Variants in SH3KBP1 observed in about 807,000 individuals in gnomAD.
The protein encoded by SH3KBP1 is SH3 domain-containing kinase-binding protein 1.
In SH3KBP1, 8 loss-of-function variants were observed where a neutral mutation model predicts 50.1. The observed-to-expected ratio is 0.16, with a 90% CI of 0.09 to 0.29. The LOEUF is 0.29. Among genes scored for constraint, SH3KBP1 ranks in the 10% least tolerant of loss-of-function variants. SH3KBP1 has a pLI of 1.00. For synonymous variants in SH3KBP1, 227 were observed against 218.6 expected (o/e 1.04, Z -0.34); for missense variants, 377 against 535.2 (o/e 0.70, Z 2.92).
chrX:19,572,150 TTTTA>T (rs1389417203), intron 12 of SH3KBP1, among the ~76,000 whole-genome samples: 8 of 109,183 alleles, frequency 7.3e-5, no homozygotes, highest in African/African-American at 2.3e-4. Flanking sequence ...CTTATTTTCC[TTTTA>T]TTGTCATTCT....
At position 19,793,313 on chromosome X, in the gene SH3KBP1, A is replaced by AAAATATATATATAT. The variant is rs1418807395; in HGVS notation, c.162+42811_162+42812insATATATATATATTT. ...CAAGACATTGTCTCAAGGAAAAAAA[A>AAAATATATATATAT]ATATATATATATATATATATATATC... is the stretch of plus-strand genomic sequence containing the variant. On this transcript the variant is annotated intron_variant, in intron 2 of 17. Transcript: ENST00000397821. 1.1e-3 allele frequency among the ~76,000 whole-genome samples: 102 copies of AAAATATATATATAT among 96,957 alleles called. 1 individual carries two copies. Among genetic ancestry groups the AAAATATATATATAT allele is most frequent in the African/African-American group, 3.5e-3 (91 of 25,702 alleles). The allele number at this position is 96,957 out of a possible 115,157, so 84.2% of individuals were successfully genotyped here. A position where few individuals can be genotyped will look rare whatever the true frequency, so the allele number is the denominator to read the frequency against.
At chrX:19,672,998 G>A (rs371909311) in intron 6 of SH3KBP1, among the ~76,000 whole-genome samples, 3 of 98,931 alleles carry the variant, frequency 3.0e-5, no homozygotes, top group East Asian at 3.3e-4. Context: ...GGTGGGGGGC[G>A]GAGGTTGCAG....
chrX:19,885,479 T>C (rs1203489077), intron 1 of SH3KBP1, among the ~76,000 whole-genome samples: 3 of 111,780 alleles, frequency 2.7e-5, no homozygotes, highest in African/African-American at 9.8e-5. Context: ...AAAGATTAAG[T>C]ACAAAAGGAC....
intron 2 of SH3KBP1, among the ~76,000 whole-genome samples, chrX:19,764,986 CT>C (rs34368819): frequency 1.1e-3 from 49 of 44,549 alleles, no homozygotes; most frequent in Middle Eastern, 0.013. Flanking sequence ...TTTTGCAGTT[CT>C]TTTTTTTTTT....
chrX:19,546,763 C>T (rs781106492), intron 14 of SH3KBP1, among the ~76,000 whole-genome samples: 8 of 111,732 alleles, frequency 7.2e-5, no homozygotes, highest in Non-Finnish European at 1.5e-4. Context: ...GTCTGTATGG[C>T]TATAGTATAT....
intron 4 of SH3KBP1, among the ~76,000 whole-genome samples, chrX:19,705,158 C>T (rs2063624685): frequency 8.9e-6 from 1 of 112,169 alleles, no homozygotes. Flanking sequence ...TCGAGTGGAA[C>T]ATTTTCTTGT....
chrX:19,848,160 C>T (rs2147472350), intron 1 of SH3KBP1, among the ~76,000 whole-genome samples: 1 of 111,987 alleles, frequency 8.9e-6, no homozygotes, highest in South Asian at 3.7e-4. Context: ...ATTCAGTCTC[C>T]AAATACCGTT....
chrX:19,773,894 C>T (rs1158260585), intron 2 of SH3KBP1, among the ~76,000 whole-genome samples: 3 of 89,573 alleles, frequency 3.3e-5, no homozygotes, highest in African/African-American at 1.3e-4. Flanking sequence ...AAAGAATCAT[C>T]ATTTTTCTGG....
intron 3 of SH3KBP1, among the ~76,000 whole-genome samples, chrX:19,743,490 C>A (rs1394725500): frequency 9.0e-6 from 1 of 111,407 alleles, no homozygotes; most frequent in Admixed American, 9.5e-5. Flanking sequence ...CATTCCAGTA[C>A]CCCCTAAATC....
intron 5 of SH3KBP1, chrX:19,695,122 G>T: frequency 1.1e-6 from 1 of 920,881 alleles, no homozygotes; most frequent in Non-Finnish European, 1.5e-6. Flanking sequence ...ACCCAAGGTG[G>T]GACCTGGACT....
Position 19,542,039 on chromosome X carries a change from G to A in SH3KBP1, c.1778C>T (p.Thr593Met), listed in dbSNP as rs774887591. The change falls in exon 16 of 18, where the codon ACG becomes ATG. Residue 593 changes from threonine (T) to methionine (M), a missense_variant. Coordinates refer to ENST00000397821, the MANE Select transcript of SH3KBP1 (RefSeq NM_031892.3). The stretch of plus-strand genomic sequence containing the variant: ...AGGCTCCATCTTTGGTTTTCCTTCC[G>A]TGCCGAACAGAGACGGGGAGTTGGC... Reference protein sequence around the residue: ...HRANSPSLFGTEGKPKMEPAA... With the variant: ...HRANSPSLFGMEGKPKMEPAA... 1.7e-5 allele frequency: 21 copies of A among 1,210,187 alleles called. No homozygotes were observed. Among genetic ancestry groups the A allele is most frequent in the East Asian group, 8.9e-5 (3 of 33,758 alleles).
intron 15 of SH3KBP1, among the ~76,000 whole-genome samples, chrX:19,545,403 G>A (rs1451486186): frequency 8.9e-6 from 1 of 112,137 alleles, no homozygotes; most frequent in Non-Finnish European, 1.9e-5. Flanking sequence ...TCTGGGCATG[G>A]AATAAAATTA....
At chrX:19,677,683 G>C (rs771240734) in intron 6 of SH3KBP1, among the ~76,000 whole-genome samples, 1 of 112,353 alleles carries the variant, frequency 8.9e-6, no homozygotes, top group African/African-American at 3.2e-5. Flanking sequence ...CAATCTTCAA[G>C]TCCTCCCTCT....
intron 2 of SH3KBP1, among the ~76,000 whole-genome samples, chrX:19,805,014 T>C (rs2067003685): frequency 9.3e-6 from 1 of 107,779 alleles, no homozygotes; most frequent in African/African-American, 3.5e-5. Flanking sequence ...GTTTTTGTTT[T>C]TTGTTTGTTT....
intron 1 of SH3KBP1, among the ~76,000 whole-genome samples, chrX:19,863,717 C>T (rs904745534): frequency 9.0e-6 from 1 of 111,276 alleles, no homozygotes; most frequent in African/African-American, 3.3e-5. Flanking sequence ...CCAACACCCC[C>T]CAACCTCCCT....
chrX:19,561,989 A>G (rs1295320227), intron 13 of SH3KBP1, among the ~76,000 whole-genome samples: 1 of 110,322 alleles, frequency 9.1e-6, no homozygotes, highest in East Asian at 2.8e-4. Flanking sequence ...TTCGCTTGCC[A>G]CCACCACATC....
At chrX:19,807,752 T>C (rs1355065325) in intron 2 of SH3KBP1, among the ~76,000 whole-genome samples, 6 of 112,321 alleles carry the variant, frequency 5.3e-5, no homozygotes, top group Non-Finnish European at 1.1e-4. Flanking sequence ...TGGACAGAGC[T>C]AGGTAAGATA....
In SH3KBP1 at chrX:19,545,991, T is replaced by A; in HGVS notation, c.1554A>T (p.Glu518Asp). The change falls in exon 15 of 18, where the codon GAA becomes GAT. Residue 518 changes from glutamate (E) to aspartate (D), a missense_variant. Around this residue, in one of 3 missense-constraint regions of SH3KBP1, gnomAD observed 110 missense variants for 124.1 expected, o/e 0.89. Coordinates refer to ENST00000397821, the MANE Select transcript of SH3KBP1 (RefSeq NM_031892.3). ...DSPSPEEDKE[E>D]HISLAHRGVD... ...CTCCTCTGTGCGCAAGTGAAATGTG[T>A]TCCTCCTTATCCTCTTCGGGACTTG... The A allele has an allele frequency of 8.3e-7, 1 of 1,210,692 alleles. No homozygotes were observed. Among genetic ancestry groups the A allele is most frequent in the South Asian group, 1.8e-5 (1 of 56,961 alleles).
intron 12 of SH3KBP1, among the ~76,000 whole-genome samples, chrX:19,583,914 TATAA>T (rs1401269900): frequency 2.0e-5 from 2 of 98,754 alleles, no homozygotes; most frequent in Admixed American, 2.5e-4. Flanking sequence ...TTTCTAAATA[TATAA>T]ATATATATCA....
Sources: gnomAD v4.1 joint callset for allele counts (sites outside exome capture counted in the v4.1 genomes callset) on GRCh38, gnomAD v4.1.1 for gene constraint, gnomAD v4.1.1 regional missense constraint, MANE v1.5 for transcripts, NCBI Gene and HGNC (gene_info 2026-07-23, HGNC 2026-07-21) for gene names.